Variants in VPS13B observed in about 807,000 individuals in gnomAD.
VPS13B encodes the protein intermembrane lipid transfer protein VPS13B.
In VPS13B, 285 loss-of-function variants were observed where a neutral mutation model predicts 426.4. The observed-to-expected ratio is 0.67, with a 90% confidence interval of 0.61 to 0.74. The LOEUF (loss-of-function observed/expected upper bound fraction) is 0.74. VPS13B is among the 30% of genes least tolerant of loss of function. The pLI is 0.00. For missense variants in VPS13B, 4,537 were observed against 4,782.6 expected (o/e 0.95, Z 1.51); for synonymous variants, 1,676 against 1,676.4 (o/e 1.00, Z 0.01).
At chr8:99,802,126 G>C (rs2130763858) in intron 43 of VPS13B, among the ~76,000 whole-genome samples, 1 of 151,800 alleles carries the variant, frequency 6.6e-6, no homozygotes, top group East Asian at 1.9e-4. Context: ...CTCAAGTCTG[G>C]GCAATAAAGG....
At chr8:99,486,392 A>C (rs1445543220) in intron 25 of VPS13B, among the ~76,000 whole-genome samples, 1 of 151,758 alleles carries the variant, frequency 6.6e-6, no homozygotes, top group East Asian at 1.9e-4. Context: ...CTCCTGGCTG[A>C]TTTTTGTACT....
At chr8:99,164,178 C>G (rs915423010) in intron 15 of VPS13B, among the ~76,000 whole-genome samples, 2 of 152,074 alleles carry the variant, frequency 1.3e-5, no homozygotes, top group Non-Finnish European at 2.9e-5. Flanking sequence ...ATTTGTAAGA[C>G]CATCTGTTGC....
chr8:99,330,350 AT>A (rs776892046), intron 19 of VPS13B, among the ~76,000 whole-genome samples: 12 of 151,914 alleles, frequency 7.9e-5, no homozygotes, highest in Non-Finnish European at 1.2e-4. Context: ...TATTTTAATA[AT>A]ATATTCTATT....
chr8:99,521,107 C>T (rs1822361434), intron 30 of VPS13B, 97 bp downstream of exon 30: 1 of 999,100 alleles, frequency 1.0e-6, no homozygotes, highest in African/African-American at 1.6e-5. Flanking sequence ...AAATATTTCT[C>T]ATTCAGGATC....
chr8:99,153,260 ATCTG>A (rs1377926536), intron 14 of VPS13B, among the ~76,000 whole-genome samples: 1 of 152,172 alleles, frequency 6.6e-6, no homozygotes, highest in African/African-American at 2.4e-5. Context: ...TGCCTTGACA[ATCTG>A]TCTTTTAATT....
chr8:99,806,043 T>C lies in VPS13B; in HGVS notation c.7942-3332T>C, dbSNP rs552784219. ...ATTGCTTTCCTCTCCCCTGTATTTCTAGCCCACGTTGCCCCTCATGCAACT... is the reference window on the plus strand; with the variant it reads ...ATTGCTTTCCTCTCCCCTGTATTTCCAGCCCACGTTGCCCCTCATGCAACT... On this transcript the variant is annotated intron_variant, in intron 43 of 61. Transcript: ENST00000357162. 6.3e-4 allele frequency among the ~76,000 whole-genome samples: 96 copies of C among 152,328 alleles called. 2 individuals are homozygous for C. In the South Asian group the frequency reaches 0.02, roughly 31 times the overall value.
intron 33 of VPS13B, among the ~76,000 whole-genome samples, chr8:99,594,394 TG>T (rs1826882291): frequency 6.6e-6 from 1 of 152,000 alleles, no homozygotes; most frequent in African/African-American, 2.4e-5. Flanking sequence ...ATTGGGAAGC[TG>T]TTTCTTAAGC....
Position 99,819,465 on chromosome 8 carries a change from A to G in VPS13B, c.8675A>G (p.Lys2892Arg). 1 of 1,613,938 alleles carries G rather than the reference A, an allele frequency of 6.2e-7. No individual in the cohort carries two copies. Among genetic ancestry groups the G allele is most frequent in the Non-Finnish European group, 8.5e-7 (1 of 1,179,880 alleles). The change falls in exon 48 of 62, where the codon AAG (lysine) becomes AGG (arginine). Residue 2892 changes from lysine (K) to arginine (R), a missense_variant. Lys to Arg is a conservative substitution (Grantham distance 26, BLOSUM62 2). Coordinates refer to ENST00000357162, the MANE Select transcript of VPS13B (RefSeq NM_152564.5). ...GTTCCCATCTCAACATCCCTCATTA[A>G]GCAAATAGCCACTAAGGTACACCCT... Reference protein sequence around the residue: ...CAVPISTSLIKQIATKVHPGG... With the variant: ...CAVPISTSLIRQIATKVHPGG...
chr8:99,335,350 A>G (rs1010044580), intron 19 of VPS13B, among the ~76,000 whole-genome samples: 11 of 151,864 alleles, frequency 7.2e-5, no homozygotes, highest in African/African-American at 1.9e-4. Flanking sequence ...TTGTGTCTCT[A>G]TTTCCTTCAG....
intron 35 of VPS13B, among the ~76,000 whole-genome samples, chr8:99,685,958 CAT>C (rs919732142): frequency 2.0e-5 from 3 of 152,016 alleles, no homozygotes; most frequent in Non-Finnish European, 2.9e-5. Context: ...TTATAGTCTT[CAT>C]GGTCTGGGCT....
intron 3 of VPS13B, among the ~76,000 whole-genome samples, chr8:99,088,645 C>T (rs1405923848): frequency 6.6e-6 from 1 of 152,144 alleles, no homozygotes; most frequent in Non-Finnish European, 1.5e-5. Flanking sequence ...AATGTTTCTG[C>T]TTTTGCTCTT....
intron 30 of VPS13B, among the ~76,000 whole-genome samples, chr8:99,542,792 T>A (rs1823697437): frequency 6.6e-6 from 1 of 152,128 alleles, no homozygotes; most frequent in Non-Finnish European, 1.5e-5. Flanking sequence ...CTCCCTCAAT[T>A]TTATTTGTAA....
chr8:99,698,513 C>T (rs1832129025), intron 35 of VPS13B, among the ~76,000 whole-genome samples: 1 of 152,228 alleles, frequency 6.6e-6, no homozygotes, highest in South Asian at 2.1e-4. Flanking sequence ...ATCTCTCTTC[C>T]TGCACACACA....
At chr8:99,159,651 G>A (rs919173488) in intron 15 of VPS13B, among the ~76,000 whole-genome samples, 1 of 152,088 alleles carries the variant, frequency 6.6e-6, no homozygotes, top group Non-Finnish European at 1.5e-5. Context: ...GCATTTTTTA[G>A]CAATAAAGTA....
intron 16 of VPS13B, among the ~76,000 whole-genome samples, chr8:99,176,657 A>T (rs1427232469): frequency 6.6e-6 from 1 of 152,216 alleles, no homozygotes; most frequent in Admixed American, 6.5e-5. Flanking sequence ...CTGTGAAACC[A>T]TTGCTTCAGT....
At chr8:99,105,985 C>T (rs1386283499) in intron 5 of VPS13B, among the ~76,000 whole-genome samples, 1 of 152,104 alleles carries the variant, frequency 6.6e-6, no homozygotes, top group African/African-American at 2.4e-5. Context: ...TTATTTAGTA[C>T]CAGGGCTAGT....
Position 99,147,981 on chromosome 8 carries a change from C to A in VPS13B, c.1984C>A (p.His662Asn). 2 of 1,613,198 alleles carry A rather than the reference C, an allele frequency of 1.2e-6. No homozygotes were observed. The highest frequency in any genetic ancestry group is 1.7e-5 in the Admixed American group (1 of 59,988). ...CATGGCTGAATTCAACTTGCTGGAC[C>A]ATTTACTACCTGTCATTATGGGAGA... ...ISMAEFNLLD[H>N]LLPVIMGEKN... Residue 662 changes from histidine to asparagine, a missense_variant, in exon 14 of 62, where the codon CAT (histidine) becomes AAT (asparagine). By Grantham distance (68) the His-to-Asn change is moderately conservative. Around this residue, in one of 2 missense-constraint regions of VPS13B, gnomAD observed 4,311 missense variants for 4,474.3 expected, o/e 0.96. Transcript: ENST00000357162.
chr8:99,570,160 T>G (rs1825401342), intron 31 of VPS13B, among the ~76,000 whole-genome samples: 1 of 152,188 alleles, frequency 6.6e-6, no homozygotes, highest in Admixed American at 6.5e-5. Flanking sequence ...CACCAAGATA[T>G]GTCTGCTTGT....
chr8:99,715,873 G>T (rs1832896000), intron 36 of VPS13B, among the ~76,000 whole-genome samples: 1 of 152,122 alleles, frequency 6.6e-6, no homozygotes. Flanking sequence ...GAAATGTAAT[G>T]CTGTTAAGTC....
Sources: allele counts gnomAD v4.1 joint callset (sites outside exome capture counted in the v4.1 genomes callset), GRCh38; gene constraint gnomAD v4.1.1; regional missense constraint gnomAD v4.1.1; transcripts MANE v1.5; gene names NCBI Gene and HGNC (gene_info 2026-07-23, HGNC 2026-07-21).